DCUN1D4: variants seen among roughly 807,000 people sequenced by gnomAD.
DCUN1D4 encodes the protein DCN1-like protein 4.
In DCUN1D4, 22 loss-of-function variants were observed where a neutral mutation model predicts 47.9. The ratio of observed to expected loss-of-function variants is 0.46; its 90% CI spans 0.33 to 0.66. The LOEUF (loss-of-function observed/expected upper bound fraction) is 0.66. DCUN1D4 is among the 30% of genes least tolerant of loss of function. DCUN1D4 has a pLI of 0.02. For synonymous variants in DCUN1D4, 121 were observed against 112.2 expected (o/e 1.08, Z -0.50); for missense variants, 301 against 340.8 (o/e 0.88, Z 0.92).
chr4:51,866,600 T>C (rs989334127), intron 3 of DCUN1D4, among the ~76,000 whole-genome samples: 2 of 152,212 alleles, frequency 1.3e-5, no homozygotes, highest in Non-Finnish European at 2.9e-5. Flanking sequence ...CACTTATGCT[T>C]ATATGTTTAA....
chr4:51,850,416 T>C (rs1723197391), intron 1 of DCUN1D4, among the ~76,000 whole-genome samples: 2 of 152,178 alleles, frequency 1.3e-5, no homozygotes, highest in Admixed American at 6.5e-5. Flanking sequence ...TTAATTGTTA[T>C]CTGGGTCAGG....
At chr4:51,845,806 A>G (rs1418453144) in intron 1 of DCUN1D4, among the ~76,000 whole-genome samples, 1 of 152,222 alleles carries the variant, frequency 6.6e-6, no homozygotes, top group Admixed American at 6.5e-5. Flanking sequence ...GAACTTGGAT[A>G]CTTGATTGTT....
intron 3 of DCUN1D4, among the ~76,000 whole-genome samples, chr4:51,872,091 G>A (rs1726985685): frequency 6.6e-6 from 1 of 152,190 alleles, no homozygotes; most frequent in Admixed American, 6.5e-5. Context: ...CTGGTTTTGT[G>A]CCGAAGGAGC....
At chr4:51,913,261 G>A in intron 9 of DCUN1D4, 29 bp from the exon 10 acceptor site, 1 of 1,403,628 alleles carries the variant, frequency 7.1e-7, no homozygotes, top group Non-Finnish European at 1.0e-6. Flanking sequence ...TTAAGTGTCA[G>A]TAATTCATAT....
chr4:51,908,706 T>G (rs368868661), intron 8 of DCUN1D4, among the ~76,000 whole-genome samples: 1 of 152,106 alleles, frequency 6.6e-6, no homozygotes, highest in Admixed American at 6.6e-5. Context: ...GGATCATTGT[T>G]GTCAGAGAAC....
intron 1 of DCUN1D4, among the ~76,000 whole-genome samples, chr4:51,850,465 C>T (rs1723204140): frequency 6.6e-6 from 1 of 152,104 alleles, no homozygotes; most frequent in South Asian, 2.1e-4. Flanking sequence ...AATTCAAATC[C>T]TTGCTCTGTC....
intron 1 of DCUN1D4, among the ~76,000 whole-genome samples, chr4:51,853,456 CTT>C (rs1723665013): frequency 6.6e-6 from 1 of 152,204 alleles, no homozygotes; most frequent in South Asian, 2.1e-4. Context: ...GCTCTGCAAT[CTT>C]TTTCCTGGAC....
intron 8 of DCUN1D4, among the ~76,000 whole-genome samples, chr4:51,900,351 A>G (rs1472851459): frequency 2.0e-5 from 3 of 152,044 alleles, no homozygotes; most frequent in Non-Finnish European, 4.4e-5. Context: ...AAATCACACC[A>G]TGCATAGAAA....
chr4:51,846,183 A>G (rs1486272105), intron 1 of DCUN1D4, among the ~76,000 whole-genome samples: 1 of 152,088 alleles, frequency 6.6e-6, no homozygotes. Context: ...AGGCTCCTAC[A>G]CACTTTCTGC....
the DCUN1D4 span, among the ~76,000 whole-genome samples, chr4:51,835,256 G>A: frequency 1.3e-5 from 2 of 152,208 alleles, no homozygotes; most frequent in East Asian, 1.9e-4. Context: ...CTTACTAGCT[G>A]TGTGTCTTTG....
intron 1 of DCUN1D4, among the ~76,000 whole-genome samples, chr4:51,851,710 G>A (rs978786987): frequency 3.3e-5 from 5 of 152,284 alleles, no homozygotes; most frequent in East Asian, 3.9e-4. Context: ...GGACTAACAC[G>A]AATTCAGTGA....
chr4:51,855,201 T>C (rs992318553), intron 1 of DCUN1D4, among the ~76,000 whole-genome samples: 2 of 152,160 alleles, frequency 1.3e-5, no homozygotes. Context: ...TAGGCAAATC[T>C]ATAGAGACAG....
chr4:51,866,858 C>G (rs1313690400), intron 3 of DCUN1D4, among the ~76,000 whole-genome samples: 1 of 152,176 alleles, frequency 6.6e-6, no homozygotes, highest in East Asian at 1.9e-4. Flanking sequence ...TGTTGCTTTG[C>G]CAGCCGGAAA....
At chr4:51,861,690 T>G (rs1725068991) in intron 1 of DCUN1D4, among the ~76,000 whole-genome samples, 2 of 152,142 alleles carry the variant, frequency 1.3e-5, no homozygotes, top group African/African-American at 2.4e-5. Flanking sequence ...AGTTTTTGCT[T>G]TTTGTTTTTT....
At chr4:51,863,107 A>G (rs1029708647) in intron 1 of DCUN1D4, among the ~76,000 whole-genome samples, 2 of 152,212 alleles carry the variant, frequency 1.3e-5, no homozygotes, top group African/African-American at 4.8e-5. Context: ...ATTCTAGGGA[A>G]GAGAGGGGAA....
At chr4:51,892,219 C>A (rs930882935) in intron 7 of DCUN1D4, among the ~76,000 whole-genome samples, 1 of 152,138 alleles carries the variant, frequency 6.6e-6, no homozygotes, top group African/African-American at 2.4e-5. Flanking sequence ...ATTTTATTAA[C>A]CCCAAACAGT....
chr4:51,873,749 G>A (rs1233447650), intron 3 of DCUN1D4, among the ~76,000 whole-genome samples: 1 of 152,168 alleles, frequency 6.6e-6, no homozygotes, highest in Non-Finnish European at 1.5e-5. Context: ...AAACAAAATT[G>A]TTGTGGACAT....
intron 8 of DCUN1D4, chr4:51,909,259 C>T (rs1425304190): frequency 1.6e-5 from 4 of 252,528 alleles, no homozygotes; most frequent in Non-Finnish European, 2.2e-5. Flanking sequence ...TGAATGATTA[C>T]AAACTCTGCA....
intron 1 of DCUN1D4, among the ~76,000 whole-genome samples, chr4:51,855,844 C>T (rs1286646235): frequency 6.6e-6 from 1 of 152,190 alleles, no homozygotes; most frequent in Non-Finnish European, 1.5e-5. Context: ...TATCTGAAAC[C>T]CATGGAAAAG....
Sources: allele counts gnomAD v4.1 joint callset (sites outside exome capture counted in the v4.1 genomes callset), GRCh38; gene constraint gnomAD v4.1.1; transcripts MANE v1.5; gene names NCBI Gene and HGNC (gene_info 2026-07-23, HGNC 2026-07-21).